The following CTNNA2 variants were observed in gnomAD, a reference collection of about 807,000 sequenced individuals.
CTNNA2 encodes catenin alpha-2.
Under a neutral mutation model 101.0 loss-of-function variants are expected in CTNNA2, and 42 were observed. That is an observed-to-expected ratio of 0.42 (90% CI 0.32 to 0.54). The LOEUF (loss-of-function observed/expected upper bound fraction) is 0.54. Ranked by LOEUF, CTNNA2 falls within the 20% of genes least tolerant of loss-of-function variation. CTNNA2 has a pLI of 0.14. For synonymous variants in CTNNA2, 450 were observed against 456.4 expected, an observed-to-expected ratio of 0.99 and a Z score of 0.18; for missense variants, 871 against 1,223.1, an observed-to-expected ratio of 0.71 and a Z score of 4.29.
chr2:79,732,033 C>T (rs192865380), intron 2 of CTNNA2, among the ~76,000 whole-genome samples: 8 of 152,086 alleles, frequency 5.3e-5, no homozygotes, highest in Admixed American at 1.3e-4. Context: ...CCGACTATAT[C>T]TACCTGTTTT....
Position 79,470,427 on chromosome 2 carries a change from A to G in CTNNA2, c.-134-34627A>G, listed in dbSNP as rs192334172. ...TAATATGAAACTGAGTACCAGAGGAAGGCAAGAAGGGATATTACAAAAGCA... is the reference window on the plus strand; with the variant it reads ...TAATATGAAACTGAGTACCAGAGGAGGGCAAGAAGGGATATTACAAAAGCA... On this transcript the variant is annotated intron_variant, in intron 4 of 21. Coordinates refer to the CTNNA2 transcript ENST00000466387. 1.6e-4 allele frequency among the ~76,000 whole-genome samples: 25 copies of G among 152,342 alleles called. No individual in the cohort carries two copies. In the East Asian group the frequency reaches 4.6e-3, roughly 28 times the overall value.
chr2:80,144,759 G>A (rs1703229083), intron 7 of CTNNA2, among the ~76,000 whole-genome samples: 1 of 152,156 alleles, frequency 6.6e-6, no homozygotes, highest in Non-Finnish European at 1.5e-5. Flanking sequence ...CTGCATTAGT[G>A]TTGTTCTTCA....
rs72018840 is a variant in CTNNA2, at chr2:79,977,222, G to GCACACACACACACA, written c.1056+67447_1056+67460dup. 2.3e-3 allele frequency among the ~76,000 whole-genome samples: 327 copies of GCACACACACACACA among 144,828 alleles called. 2 individuals are homozygous for GCACACACACACACA. The highest frequency in any genetic ancestry group is 4.2e-3 in the African/African-American group (162 of 38,492). On this transcript the variant is annotated intron_variant, in intron 7 of 18. Coordinates refer to ENST00000402739, the MANE Select transcript of CTNNA2 (RefSeq NM_001282597.3). ...CACACACGTGCACATGCATATGCAT[G>GCACACACACACACA]CACACACACACACACACACACACAC...
At chr2:79,351,314 A>C (rs1042169598) in intron 3 of CTNNA2, among the ~76,000 whole-genome samples, 34 of 152,282 alleles carry the variant, frequency 2.2e-4, no homozygotes, top group Non-Finnish European at 7.4e-5. Flanking sequence ...TCTTGAGTTA[A>C]TTTTTGTATA....
chr2:79,540,905 G>T lies in CTNNA2; in HGVS notation c.-6+27698G>T, dbSNP rs369340115. On this transcript the variant is annotated intron_variant, in intron 1 of 18. Coordinates refer to ENST00000402739, the MANE Select transcript of CTNNA2 (RefSeq NM_001282597.3). ...AATTTGCTTGAAACAACTTAACATG[G>T]TATGGAGAGTTGGAAATGGGTAGCT... Among the ~76,000 whole-genome samples the T allele has an allele frequency of 3.9e-5, 6 of 152,210 alleles. No individual in the cohort carries two copies. In the East Asian group the frequency reaches 7.7e-4, roughly 20 times the overall value.
At chr2:80,434,541 C>T (rs1681859608) in intron 9 of CTNNA2, among the ~76,000 whole-genome samples, 1 of 124,562 alleles carries the variant, frequency 8.0e-6, no homozygotes. Context: ...CTCAGGCTAA[C>T]ATACAGTGGT....
At chr2:79,541,680 G>A (rs1218293492) in intron 1 of CTNNA2, among the ~76,000 whole-genome samples, 5 of 150,668 alleles carry the variant, frequency 3.3e-5, no homozygotes, top group Non-Finnish European at 4.4e-5. Context: ...AGGCTGGAGT[G>A]CAGTGGCATG....
intron 7 of CTNNA2, among the ~76,000 whole-genome samples, chr2:80,082,352 A>T (rs1226629012): frequency 1.3e-5 from 2 of 152,214 alleles, no homozygotes; most frequent in Non-Finnish European, 2.9e-5. Flanking sequence ...TACCTAGCAG[A>T]ATGGGAGCAT....
chr2:79,687,292 A>G (rs1683994784), intron 2 of CTNNA2, among the ~76,000 whole-genome samples: 1 of 152,168 alleles, frequency 6.6e-6, no homozygotes, highest in Admixed American at 6.6e-5. Flanking sequence ...TGATACTCAA[A>G]ATAGTATTGT....
intron 7 of CTNNA2, among the ~76,000 whole-genome samples, chr2:80,106,687 G>C (rs1370965729): frequency 6.6e-6 from 1 of 152,090 alleles, no homozygotes; most frequent in Non-Finnish European, 1.5e-5. Context: ...TATGTTCTCC[G>C]ATTAACAATT....
At chr2:80,488,108 C>T (rs568684267) in intron 9 of CTNNA2, among the ~76,000 whole-genome samples, 3 of 152,150 alleles carry the variant, frequency 2.0e-5, no homozygotes, top group South Asian at 4.1e-4. Context: ...TTCGAGTTTC[C>T]GAATAAAAAT....
intron 7 of CTNNA2, among the ~76,000 whole-genome samples, chr2:79,987,572 A>G (rs1451606683): frequency 6.7e-6 from 1 of 149,572 alleles, no homozygotes; most frequent in Non-Finnish European, 1.5e-5. Context: ...TAGTAAATGG[A>G]AGGTATAAGT....
rs113369037 is a variant in CTNNA2, at chr2:79,914,587, AT to A, written c.1056+4798del. Among the ~76,000 whole-genome samples, 821 of 151,984 alleles carry A rather than the reference AT, an allele frequency of 5.4e-3. 12 individuals carry two copies. Among genetic ancestry groups the A allele is most frequent in the African/African-American group, 0.019 (798 of 41,432 alleles). On this transcript the variant is annotated intron_variant, in intron 7 of 18. Coordinates refer to ENST00000402739, the MANE Select transcript of CTNNA2 (RefSeq NM_001282597.3). The stretch of plus-strand genomic sequence containing the variant: ...TGCATAAACTCTCTGTGTAGCTCGA[AT>A]TTTTTTTAAGACTAATTTAGAGCTA...
chr2:79,444,218 C>T (rs1340577491), intron 4 of CTNNA2, among the ~76,000 whole-genome samples: 1 of 151,986 alleles, frequency 6.6e-6, no homozygotes, highest in Non-Finnish European at 1.5e-5. Flanking sequence ...TAAGCATGTG[C>T]TATTTTAAGC....
intron 1 of CTNNA2, among the ~76,000 whole-genome samples, chr2:79,613,620 A>G (rs1346454550): frequency 6.6e-6 from 1 of 152,188 alleles, no homozygotes; most frequent in African/African-American, 2.4e-5. Context: ...AATAACAAAA[A>G]TAATAACATA....
At chr2:79,887,385 A>C (rs1385227784) in intron 6 of CTNNA2, among the ~76,000 whole-genome samples, 2 of 152,154 alleles carry the variant, frequency 1.3e-5, no homozygotes, top group Non-Finnish European at 1.5e-5. Flanking sequence ...CTAATTAAAA[A>C]ACCAAACATT....
At position 79,787,341 on chromosome 2, in the gene CTNNA2, G is replaced by A. The variant is rs59195336; in HGVS notation, c.298+42759G>A. Among the ~76,000 whole-genome samples the A allele has an allele frequency of 1.1e-4, 16 of 152,060 alleles. No homozygotes were observed. In the East Asian group the frequency reaches 2.9e-3, roughly 28 times the overall value. On this transcript the variant is annotated intron_variant, in intron 3 of 18. Transcript: ENST00000402739. ...GTATTAAAGTGCTATACAATTAGGG[G>A]AGCCCAGTGAGTTAGCTGAGACTTT...
intron 4 of CTNNA2, among the ~76,000 whole-genome samples, chr2:79,860,672 T>A (rs1350343764): frequency 6.7e-6 from 1 of 150,112 alleles, no homozygotes; most frequent in African/African-American, 2.4e-5. Flanking sequence ...ATAACACATT[T>A]GTTCTACTTA....
At chr2:79,396,439 A>G (rs1901336) in intron 4 of CTNNA2, among the ~76,000 whole-genome samples, 121,376 of 152,120 alleles carry the variant, frequency 0.8, 48,628 homozygotes, top group East Asian at 0.96. Flanking sequence ...GATTACAAGC[A>G]TTGAATTTTT....
Sources: allele counts gnomAD v4.1 joint callset (sites outside exome capture counted in the v4.1 genomes callset), GRCh38; gene constraint gnomAD v4.1.1; transcripts MANE v1.5; gene names NCBI Gene and HGNC (gene_info 2026-07-23, HGNC 2026-07-21).